UBXN8: variants seen among roughly 807,000 people sequenced by gnomAD.
UBXN8 encodes the protein UBX domain protein 8, also known as UBX domain-containing protein 8.
In UBXN8, 27 loss-of-function variants were observed where a neutral mutation model predicts 32.1. That is an observed-to-expected ratio of 0.84 (90% CI 0.62 to 1.16). The LOEUF is 1.16. Among genes scored for constraint, UBXN8 ranks in the 50% most tolerant of loss-of-function variants. The pLI is 0.00. For synonymous variants in UBXN8, 109 were observed against 111.8 expected (o/e 0.98, Z 0.16); for missense variants, 306 against 311.4 (o/e 0.98, Z 0.13).
Position 30,747,944 on chromosome 8 carries a change from G to A in UBXN8, c.89-3452G>A, listed in dbSNP as rs1211208170. Among the ~76,000 whole-genome samples the A allele has an allele frequency of 4.2e-5, 4 of 94,550 alleles. No individual in the cohort carries two copies. In the Admixed American group the frequency reaches 5.5e-4, roughly 13 times the overall value. 62.0% of individuals were successfully genotyped at this position (94,550 alleles called of 152,430 possible). A position where few individuals can be genotyped will look rare whatever the true frequency, so the allele number is the denominator to read the frequency against. On this transcript the variant is annotated intron_variant, in intron 1 of 7. Coordinates refer to ENST00000265616, the MANE Select transcript of UBXN8 (RefSeq NM_005671.4). ...GCTACCTTTGGATTCTTGATAGTGA[G>A]CTTCCAATAATTATTTCTTAACAGC... is the stretch of plus-strand genomic sequence containing the variant.
chr8:30,762,942 T>C (rs946346582), intron 6 of UBXN8, among the ~76,000 whole-genome samples: 6 of 152,114 alleles, frequency 3.9e-5, no homozygotes, highest in African/African-American at 1.4e-4. Flanking sequence ...GATCACAGCT[T>C]ACTGTTGCCT....
chr8:30,751,546 T>G, intron 2 of UBXN8, 28 bp downstream of exon 2: 1 of 1,537,144 alleles, frequency 6.5e-7, no homozygotes, highest in East Asian at 2.3e-5. Context: ...TCTACCCTTT[T>G]ATACCATTCT....
chr8:30,729,561 T>C (rs1431944650), upstream of UBXN8, among the ~76,000 whole-genome samples: 14 of 152,198 alleles, frequency 9.2e-5, no homozygotes, highest in East Asian at 2.7e-3. Flanking sequence ...GTGTGTGCCC[T>C]TTTTACCCAT....
chr8:30,731,921 G>A (rs942574998), upstream of UBXN8, among the ~76,000 whole-genome samples: 4 of 152,130 alleles, frequency 2.6e-5, no homozygotes, highest in Non-Finnish European at 4.4e-5. Context: ...CAGGATTTGC[G>A]CTTGGTTAAT....
intron 4 of UBXN8, among the ~76,000 whole-genome samples, chr8:30,756,562 G>GT (rs1805666302): frequency 6.6e-6 from 1 of 152,150 alleles, no homozygotes; most frequent in South Asian, 2.1e-4. Context: ...GATTACAGGT[G>GT]TGAGCCATAG....
At chr8:30,734,678 C>T (rs569961655) in intron 1 of UBXN8, among the ~76,000 whole-genome samples, 46 of 152,196 alleles carry the variant, frequency 3.0e-4, no homozygotes, top group African/African-American at 1.1e-3. Flanking sequence ...GTGGCTCATG[C>T]CTGTAATCCC....
Position 30,766,491 on chromosome 8 carries a change from T to A in UBXN8, c.*97T>A. Reference sequence around the variant, plus strand: ...CTTTCAAATCACACTATACCTTGATTGAGCTCATGGCAGTAAACTTTGAAC... The same window carrying A: ...CTTTCAAATCACACTATACCTTGATAGAGCTCATGGCAGTAAACTTTGAAC... On this transcript the variant is annotated 3_prime_UTR_variant, in exon 8 of 8. Transcript: ENST00000265616. 7.8e-7 allele frequency: 1 copy of A among 1,286,722 alleles called. No individual in the cohort carries two copies. Among genetic ancestry groups the A allele is most frequent in the East Asian group, 2.6e-5 (1 of 37,946 alleles). 79.7% of individuals were successfully genotyped at this position (1,286,722 alleles called of 1,614,324 possible). A position where few individuals can be genotyped will look rare whatever the true frequency, so the allele number is the denominator to read the frequency against.
chr8:30,757,839 G>A (rs1185483368), intron 5 of UBXN8, among the ~76,000 whole-genome samples: 10 of 144,774 alleles, frequency 6.9e-5, no homozygotes, highest in East Asian at 6.3e-4. Flanking sequence ...CAGCCTGCGC[G>A]ACAGAGTGAG....
chr8:30,754,384 A>G, intron 3 of UBXN8: 1 of 520,358 alleles, frequency 1.9e-6, no homozygotes, highest in Non-Finnish European at 3.8e-6. Flanking sequence ...TAGGAAAAGT[A>G]GATCCTCCCA....
intron 1 of UBXN8, among the ~76,000 whole-genome samples, chr8:30,738,649 C>T (rs1187571260): frequency 2.6e-5 from 3 of 116,824 alleles, no homozygotes; most frequent in Admixed American, 8.8e-5. Context: ...CGACAGCCTC[C>T]GTCTCAAAAA....
At chr8:30,754,549 G>C (rs1805595416) in intron 3 of UBXN8, 116 bp from the exon 4 acceptor site, 1 of 1,378,160 alleles carries the variant, frequency 7.3e-7, no homozygotes, top group South Asian at 1.5e-5. Context: ...GGGTGGCAGT[G>C]GCTCTGTTCA....
At chr8:30,737,093 AAAAT>A (rs1805082385) in intron 1 of UBXN8, among the ~76,000 whole-genome samples, 1 of 152,250 alleles carries the variant, frequency 6.6e-6, no homozygotes, top group Non-Finnish European at 1.5e-5. Flanking sequence ...AAATAAGAAA[AAAAT>A]CATAATTGCA....
Position 30,761,905 on chromosome 8 carries a change from G to A in UBXN8, c.570+976G>A, listed in dbSNP as rs371640091. The stretch of plus-strand genomic sequence containing the variant: ...CTTCCCAGTTGCTGGGTCATAGTCC[G>A]TGATGCCTTCCTGTCACTGGCCACC... On this transcript the variant is annotated intron_variant, in intron 6 of 7. Transcript: ENST00000265616. 1.3e-4 allele frequency among the ~76,000 whole-genome samples: 20 copies of A among 152,108 alleles called. No homozygotes were observed. The East Asian group carries it at 2.9e-3, about 22-fold the overall frequency.
Position 30,766,458 on chromosome 8 carries a change from A to G in UBXN8, c.*64A>G, listed in dbSNP as rs1806010928. The G allele has an allele frequency of 4.2e-6, 6 of 1,442,986 alleles. No homozygotes were observed. Among genetic ancestry groups the G allele is most frequent in the Non-Finnish European group, 5.5e-6 (6 of 1,089,112 alleles). The allele number at this position is 1,442,986 out of a possible 1,614,324, so 89.4% of individuals were successfully genotyped here. A position where few individuals can be genotyped will look rare whatever the true frequency, so the allele number is the denominator to read the frequency against. The stretch of plus-strand genomic sequence containing the variant: ...ATGCTATGACCTTCTGGCACAATAA[A>G]GGCTTCACTTTCAAATCACACTATA... On this transcript the variant is annotated 3_prime_UTR_variant, in exon 8 of 8. Transcript: ENST00000265616.
chr8:30,737,205 A>AT (rs11427295), intron 1 of UBXN8, among the ~76,000 whole-genome samples: 35,183 of 151,038 alleles, frequency 0.23, 4,681 homozygotes, highest in African/African-American at 0.37. Flanking sequence ...CTGTTGATTG[A>AT]TTTTTTTTTC....
At chr8:30,744,417 C>A in intron 1 of UBXN8, 140 bp downstream of exon 1, 2 of 791,014 alleles carry the variant, frequency 2.5e-6, no homozygotes, top group Non-Finnish European at 4.1e-6. Context: ...CCTGCCCCCC[C>A]ACTTCCGGAG....
intron 1 of UBXN8, among the ~76,000 whole-genome samples, chr8:30,750,427 G>T (rs1240857514): frequency 6.6e-6 from 1 of 152,050 alleles, no homozygotes; most frequent in Admixed American, 6.6e-5. Flanking sequence ...GTGAGCCGTG[G>T]TCTCACCATT....
At chr8:30,738,022 G>C (rs1455983944) in intron 1 of UBXN8, among the ~76,000 whole-genome samples, 4 of 151,608 alleles carry the variant, frequency 2.6e-5, no homozygotes, top group African/African-American at 9.7e-5. Flanking sequence ...ACTTTGGGAC[G>C]CCAAGGTGGG....
intron 5 of UBXN8, 79 bp from the exon 6 acceptor site, chr8:30,760,809 G>A (rs1461352103): frequency 3.5e-6 from 3 of 853,438 alleles, no homozygotes; most frequent in Non-Finnish European, 5.6e-6. Context: ...TCTAAACTCT[G>A]TATTGAGAGG....
Sources: gnomAD v4.1 joint callset for allele counts (sites outside exome capture counted in the v4.1 genomes callset) on GRCh38, gnomAD v4.1.1 for gene constraint, MANE v1.5 for transcripts, NCBI Gene and HGNC (gene_info 2026-07-23, HGNC 2026-07-21) for gene names.